Variants in EML5 observed in about 807,000 individuals in gnomAD.
The protein encoded by EML5 is EMAP like 5.
EML5 carries 120 observed loss-of-function variants against 250.0 expected under a neutral mutation model. That is an observed-to-expected ratio of 0.48 (90% CI 0.41 to 0.56). EML5 has a LOEUF of 0.56. Among genes scored for constraint, EML5 ranks in the 20% least tolerant of loss-of-function variants. The pLI is 0.00. For missense variants in EML5, 2,006 were observed against 2,437.6 expected (o/e 0.82, Z 3.73); for synonymous variants, 771 against 806.5 (o/e 0.96, Z 0.75).
intron 9 of EML5, among the ~76,000 whole-genome samples, chr14:88,712,948 G>C (rs1412363437): frequency 6.6e-6 from 1 of 152,188 alleles, no homozygotes; most frequent in Non-Finnish European, 1.5e-5. Context: ...CATTAGGTAA[G>C]AGGACTTTAG....
intron 21 of EML5, among the ~76,000 whole-genome samples, chr14:88,680,206 A>G (rs1001409445): frequency 1.3e-5 from 2 of 152,252 alleles, no homozygotes; most frequent in Non-Finnish European, 2.9e-5. Context: ...TTGACTCATG[A>G]ATATCTTAAG....
At chr14:88,704,216 G>A (rs1276809419) in intron 13 of EML5, among the ~76,000 whole-genome samples, 1 of 152,092 alleles carries the variant, frequency 6.6e-6, no homozygotes. Flanking sequence ...GTTCATACAA[G>A]ATCTGATTGC....
intron 1 of EML5, among the ~76,000 whole-genome samples, chr14:88,771,046 TAAAC>T (rs756999815): frequency 6.6e-5 from 10 of 152,220 alleles, no homozygotes; most frequent in Non-Finnish European, 8.8e-5. Flanking sequence ...AATAACATGT[TAAAC>T]AAACATAAAG....
At chr14:88,720,717 A>G (rs138211849) in intron 8 of EML5, among the ~76,000 whole-genome samples, 120 of 152,322 alleles carry the variant, frequency 7.9e-4, no homozygotes, top group Admixed American at 3.1e-3. Context: ...AACTGGCACA[A>G]GACAAGGATG....
At chr14:88,713,055 T>C (rs1179868649) in intron 9 of EML5, among the ~76,000 whole-genome samples, 1 of 152,120 alleles carries the variant, frequency 6.6e-6, no homozygotes, top group Non-Finnish European at 1.5e-5. Context: ...TAATAGGTTA[T>C]TGGAAGATAG....
chr14:88,779,912 T>C (rs1772192415), intron 1 of EML5, among the ~76,000 whole-genome samples: 1 of 152,182 alleles, frequency 6.6e-6, no homozygotes, highest in Non-Finnish European at 1.5e-5. Context: ...TATGTTACTG[T>C]GAGGAAATAA....
rs1299383405 is a variant in EML5 at position 88,615,165 on chromosome 14, A to C, written c.*653T>G. On this transcript the variant is annotated 3_prime_UTR_variant, in exon 44 of 44. Transcript: ENST00000554922. The stretch of plus-strand genomic sequence containing the variant: ...CTGATGGCTCGAAAATGAAAATGGA[A>C]ATGTAGCAGCCATATACTGCTAACT... 6.6e-6 allele frequency: 1 copy of C among 152,188 alleles called. No individual in the cohort carries two copies. The highest frequency in any genetic ancestry group is 1.9e-4 in the East Asian group (1 of 5,186). The allele number at this position is 152,188 out of a possible 1,614,324, so 9.4% of individuals were successfully genotyped here.
chr14:88,689,039 T>C (rs565477907), intron 17 of EML5, among the ~76,000 whole-genome samples: 2 of 152,390 alleles, frequency 1.3e-5, no homozygotes, highest in African/African-American at 4.8e-5. Flanking sequence ...TGATTTGTTA[T>C]AGAGTTTTTT....
chr14:88,620,115 T>G lies in EML5; in HGVS notation c.5375+639A>C, dbSNP rs1157970828. ...AGCTAAGGGAAGCCACTGTTACTAT[T>G]TTATATATTGAAGTTCTGAGGAAGG... is the stretch of plus-strand genomic sequence containing the variant. On this transcript the variant is annotated intron_variant, in intron 39 of 43. Transcript: ENST00000554922. The surrounding 1 kb of genome is among the most constrained non-coding windows in gnomAD (Gnocchi z 4.3). The G allele has an allele frequency of 1.3e-5, 2 of 152,214 alleles. No individual in the cohort carries two copies. The highest frequency in any genetic ancestry group is 4.8e-5 in the African/African-American group (2 of 41,456). The allele number at this position is 152,214 out of a possible 1,614,324, so 9.4% of individuals were successfully genotyped here. A position where few individuals can be genotyped will look rare whatever the true frequency, so the allele number is the denominator to read the frequency against.
Position 88,631,291 on chromosome 14 carries a change from G to A in EML5, c.4357+3178C>T, listed in dbSNP as rs376180674. On this transcript the variant is annotated intron_variant, in intron 33 of 43. Transcript: ENST00000554922. ...TGCCATGATGTGATCATGACACACC[G>A]CAGCCTCGAATTCCTGGGCTCAATT... 7.9e-5 allele frequency among the ~76,000 whole-genome samples: 12 copies of A among 152,158 alleles called. 1 individual carries two copies. The highest frequency in any genetic ancestry group is 5.9e-4 in the Admixed American group (9 of 15,284).
intron 8 of EML5, among the ~76,000 whole-genome samples, chr14:88,722,324 C>T (rs1471068907): frequency 6.6e-6 from 1 of 152,108 alleles, no homozygotes; most frequent in African/African-American, 2.4e-5. Context: ...TGTATGTTCA[C>T]TGCAGCACTA....
intron 21 of EML5, among the ~76,000 whole-genome samples, chr14:88,674,478 A>G (rs1276654570): frequency 2.6e-5 from 4 of 152,170 alleles, no homozygotes; most frequent in Non-Finnish European, 5.9e-5. Flanking sequence ...ACATAAAACC[A>G]TCAGATGTCG....
intron 14 of EML5, among the ~76,000 whole-genome samples, chr14:88,698,331 T>A (rs1247296192): frequency 6.7e-6 from 1 of 149,202 alleles, no homozygotes; most frequent in African/African-American, 2.5e-5. Flanking sequence ...AATGGCATGA[T>A]GTTGGCTCAC....
chr14:88,624,800 A>C, intron 36 of EML5, 170 bp downstream of exon 36: 1 of 759,724 alleles, frequency 1.3e-6, no homozygotes, highest in East Asian at 2.8e-5. Context: ...AATTAAGACC[A>C]GAAATGAGAA....
chr14:88,787,146 G>A (rs1335993855), intron 1 of EML5, among the ~76,000 whole-genome samples: 2 of 152,184 alleles, frequency 1.3e-5, no homozygotes, highest in Non-Finnish European at 2.9e-5. Context: ...CATTTCTTCT[G>A]ATGACCCTTC....
At chr14:88,675,845 A>C (rs2092582816) in intron 21 of EML5, among the ~76,000 whole-genome samples, 1 of 152,128 alleles carries the variant, frequency 6.6e-6, no homozygotes, top group African/African-American at 2.4e-5. Flanking sequence ...AGATACCCTA[A>C]ATCATCTCCC....
intron 8 of EML5, among the ~76,000 whole-genome samples, chr14:88,724,053 A>G (rs1444638252): frequency 3.3e-5 from 5 of 151,640 alleles, no homozygotes; most frequent in African/African-American, 1.2e-4. Context: ...GGCAGATCAC[A>G]GGGTCAGGAG....
chr14:88,778,610 C>G (rs2094469018), intron 1 of EML5, among the ~76,000 whole-genome samples: 2 of 152,174 alleles, frequency 1.3e-5, no homozygotes, highest in African/African-American at 4.8e-5. Context: ...GAAACCCTGT[C>G]TCTACTAAAA....
At chr14:88,701,239 G>A (rs1290380433) in intron 14 of EML5, among the ~76,000 whole-genome samples, 1 of 152,094 alleles carries the variant, frequency 6.6e-6, no homozygotes, top group East Asian at 1.9e-4. Flanking sequence ...GGTGTTCCTG[G>A]CTTCTAATGG....
Sources: allele counts gnomAD v4.1 joint callset (sites outside exome capture counted in the v4.1 genomes callset), GRCh38; gene constraint gnomAD v4.1.1; non-coding constraint Gnocchi (gnomAD v3.1); transcripts MANE v1.5; gene names NCBI Gene and HGNC (gene_info 2026-07-23, HGNC 2026-07-21).